KCNQ1: variants seen among roughly 807,000 people sequenced by gnomAD.
KCNQ1 encodes the protein potassium voltage-gated channel subfamily Q member 1.
A neutral mutation model predicts 72.4 loss-of-function variants in KCNQ1; 49 were observed. That is an observed-to-expected ratio of 0.68 (90% CI 0.54 to 0.86). KCNQ1 has a LOEUF of 0.86. Ranked by LOEUF, KCNQ1 falls within the 40% of genes least tolerant of loss-of-function variation. The probability of loss-of-function intolerance (pLI) is 0.00; values close to 1 mark genes in which losing one functional copy is unlikely to be tolerated. For synonymous variants in KCNQ1, 450 were observed against 412.6 expected, an observed-to-expected ratio of 1.09 and a Z score of -1.10; for missense variants, 790 against 945.1, an observed-to-expected ratio of 0.84 and a Z score of 2.15.
rs1267974783 is a variant in KCNQ1, at chr11:2,674,222, C to T, written c.1514+12141C>T. 2.5e-6 allele frequency: 1 copy of T among 398,534 alleles called. No homozygotes were observed. Among genetic ancestry groups the T allele is most frequent in the Non-Finnish European group, 4.4e-6 (1 of 226,152 alleles). The allele number at this position is 398,534 out of a possible 1,614,324, so 24.7% of individuals were successfully genotyped here. On this transcript the variant is annotated intron_variant, in intron 11 of 15. Coordinates refer to ENST00000155840, the MANE Select transcript of KCNQ1 (RefSeq NM_000218.3). The surrounding 1 kb of genome is among the most constrained non-coding windows in gnomAD (Gnocchi z 5.9). ...CCAGTTGTGGGTTTTTCTTGGGGCC[C>T]AGATAGATGTGAGCAGAGCTGGAGG...
rs1274186160 is a variant in KCNQ1 at position 2,828,205 on chromosome 11, G to A, written c.1795-19562G>A. Among the ~76,000 whole-genome samples the A allele has an allele frequency of 6.6e-6, 1 of 152,216 alleles. No individual in the cohort carries two copies. The highest frequency in any genetic ancestry group is 1.5e-5 in the Non-Finnish European group (1 of 68,042). On this transcript the variant is annotated intron_variant, in intron 15 of 15. Transcript: ENST00000155840. This position sits in a 1 kb window ranked among gnomAD's most constrained non-coding sequence, Gnocchi z 5.3. ...TCAGCAGGCAGGGACTAGCACCCAA[G>A]AAGAAAACTCTGAGAAGTCAGGACA... is the stretch of plus-strand genomic sequence containing the variant.
At chr11:2,833,920 C>T (rs1848009002) in intron 15 of KCNQ1, among the ~76,000 whole-genome samples, 1 of 152,220 alleles carries the variant, frequency 6.6e-6, no homozygotes, top group Non-Finnish European at 1.5e-5. Context: ...CCAGCAACTT[C>T]CTGCCCTCCC....
At position 2,766,667 on chromosome 11, in the gene KCNQ1, G is replaced by A. The variant is rs1038741898; in HGVS notation, c.1515-2177G>A. On this transcript the variant is annotated intron_variant, in intron 11 of 15. Transcript: ENST00000155840. The surrounding 1 kb of genome is among the most constrained non-coding windows in gnomAD (Gnocchi z 4.4). ...TGCAAAATTCACTCACCCCCCTCCCGACGATACCTAAAATTCTCACCCAAT... is the reference window on the plus strand; with the variant it reads ...TGCAAAATTCACTCACCCCCCTCCCAACGATACCTAAAATTCTCACCCAAT... 3.3e-5 allele frequency among the ~76,000 whole-genome samples: 5 copies of A among 152,032 alleles called. No individual in the cohort carries two copies. The highest frequency in any genetic ancestry group is 7.4e-5 in the Non-Finnish European group (5 of 68,012).
intron 15 of KCNQ1, among the ~76,000 whole-genome samples, chr11:2,807,183 T>A (rs2134034076): frequency 6.6e-6 from 1 of 152,342 alleles, no homozygotes; most frequent in East Asian, 1.9e-4. Flanking sequence ...TGCAGGTTCA[T>A]TATTATAATG....
chr11:2,733,857 C>CGCT (rs147278439), intron 11 of KCNQ1, among the ~76,000 whole-genome samples: 1 of 76,318 alleles, frequency 1.3e-5, no homozygotes, highest in Non-Finnish European at 2.5e-5. Context: ...CTCTCTCTCT[C>CGCT]CCCCCCCACT....
intron 1 of KCNQ1, among the ~76,000 whole-genome samples, chr11:2,456,380 C>T (rs541366263): frequency 6.6e-6 from 1 of 152,082 alleles, no homozygotes; most frequent in South Asian, 2.1e-4. Flanking sequence ...AAATAGTCTT[C>T]TCAATATTGG....
rs531012151 is a variant in KCNQ1 at position 2,544,450 on chromosome 11, T to C, written c.477+16432T>C. Among the ~76,000 whole-genome samples the C allele has an allele frequency of 2.0e-5, 3 of 151,584 alleles. No individual in the cohort carries two copies. Among genetic ancestry groups the C allele is most frequent in the Admixed American group, 2.0e-4 (3 of 15,200 alleles). ...TACATACCTAATATGTATATGGTTA[T>C]ATATCTCTTATAAGGGTTATATATC... On this transcript the variant is annotated intron_variant, in intron 2 of 15. Transcript: ENST00000155840. The surrounding 1 kb of genome is among the most constrained non-coding windows in gnomAD (Gnocchi z 4.4).
At chr11:2,775,528 G>A (rs1846678270) in intron 12 of KCNQ1, among the ~76,000 whole-genome samples, 1 of 152,230 alleles carries the variant, frequency 6.6e-6, no homozygotes, top group African/African-American at 2.4e-5. Flanking sequence ...CATGTCAAGG[G>A]TCAGTCTGGG....
rs1846206315 is a variant in KCNQ1 at position 2,457,040 on chromosome 11, A to G, written c.386+11556A>G. Among the ~76,000 whole-genome samples, 1 of 152,198 alleles carries G rather than the reference A, an allele frequency of 6.6e-6. No homozygotes were observed. Among genetic ancestry groups the G allele is most frequent in the South Asian group, 2.1e-4 (1 of 4,826 alleles). On this transcript the variant is annotated intron_variant, in intron 1 of 15. Coordinates refer to ENST00000155840, the MANE Select transcript of KCNQ1 (RefSeq NM_000218.3). The surrounding 1 kb of genome is among the most constrained non-coding windows in gnomAD (Gnocchi z 5.0). ...AGAAGACATACAAACAGTCAAACAC[A>G]TGAAAAAATGCTCATCACTGATCAT...
chr11:2,790,629 T>C (rs1847002613), intron 15 of KCNQ1, among the ~76,000 whole-genome samples: 1 of 152,240 alleles, frequency 6.6e-6, no homozygotes, highest in African/African-American at 2.4e-5. Flanking sequence ...CTACACGCGA[T>C]GGCTGTGAGA....
chr11:2,841,066 AAGG>A (rs1345624757), intron 15 of KCNQ1, among the ~76,000 whole-genome samples: 3 of 152,236 alleles, frequency 2.0e-5, no homozygotes, highest in African/African-American at 7.2e-5. Context: ...AACACCAAGC[AAGG>A]AGATCAATAA....
chr11:2,497,313 A>G lies in KCNQ1; in HGVS notation c.387-30615A>G, dbSNP rs1324667318. ...ACTTTCAGGTACAGCAATCAATTGT[A>G]GGTTTGGTCTTTTCATATAGTCCCA... is the stretch of plus-strand genomic sequence containing the variant. On this transcript the variant is annotated intron_variant, in intron 1 of 15. Coordinates refer to ENST00000155840, the MANE Select transcript of KCNQ1 (RefSeq NM_000218.3). This position sits in a 1 kb window ranked among gnomAD's most constrained non-coding sequence, Gnocchi z 4.5. Among the ~76,000 whole-genome samples the G allele has an allele frequency of 6.6e-6, 1 of 152,120 alleles. No individual in the cohort carries two copies. Among genetic ancestry groups the G allele is most frequent in the Admixed American group, 6.5e-5 (1 of 15,274 alleles).
In KCNQ1 at chr11:2,642,768, T is replaced by A. The variant is rs1030639057; in HGVS notation, c.1394-19193T>A. 4 of 397,684 alleles carry A rather than the reference T, an allele frequency of 1.0e-5. No individual in the cohort carries two copies. The highest frequency in any genetic ancestry group is 8.2e-5 in the African/African-American group (4 of 48,582). 24.6% of individuals were successfully genotyped at this position (397,684 alleles called of 1,614,324 possible). A position where few individuals can be genotyped will look rare whatever the true frequency, so the allele number is the denominator to read the frequency against. On this transcript the variant is annotated intron_variant, in intron 10 of 15. Transcript: ENST00000155840. The surrounding 1 kb of genome is among the most constrained non-coding windows in gnomAD (Gnocchi z 4.3). ...AGGTGTATCATTAGATTATTTAAGA[T>A]CTTTTCTACCTTTTTTAATGGAGGC...
In KCNQ1 at chr11:2,457,416, T is replaced by C. The variant is rs1008952760; in HGVS notation, c.386+11932T>C. 4.6e-5 allele frequency among the ~76,000 whole-genome samples: 7 copies of C among 152,148 alleles called. No individual in the cohort carries two copies. Among genetic ancestry groups the C allele is most frequent in the Non-Finnish European group, 1.0e-4 (7 of 68,032 alleles). On this transcript the variant is annotated intron_variant, in intron 1 of 15. Coordinates refer to ENST00000155840, the MANE Select transcript of KCNQ1 (RefSeq NM_000218.3). This position sits in a 1 kb window ranked among gnomAD's most constrained non-coding sequence, Gnocchi z 5.0. ...TCAATGGTAGATCGAATAAAGCAAA[T>C]GTGATATATATACACCATGGAATAC...
At position 2,544,225 on chromosome 11, in the gene KCNQ1, C is replaced by T. The variant is rs1847865770; in HGVS notation, c.477+16207C>T. Among the ~76,000 whole-genome samples, 2 of 137,720 alleles carry T rather than the reference C, an allele frequency of 1.5e-5. No homozygotes were observed. The highest frequency in any genetic ancestry group is 1.5e-4 in the Admixed American group (2 of 13,672). 90.3% of individuals were successfully genotyped at this position (137,720 alleles called of 152,430 possible). ...CTCTGATCAATGAGATTATCTATCT[C>T]ATATATATATATGTGTGTGTGTGTA... On this transcript the variant is annotated intron_variant, in intron 2 of 15. Transcript: ENST00000155840. The surrounding 1 kb of genome is among the most constrained non-coding windows in gnomAD (Gnocchi z 4.4).
intron 2 of KCNQ1, among the ~76,000 whole-genome samples, chr11:2,558,315 T>C (rs1848102333): frequency 6.6e-6 from 1 of 152,268 alleles, no homozygotes; most frequent in African/African-American, 2.4e-5. Flanking sequence ...CTGAAAGTAA[T>C]GAAGTATGTG....
chr11:2,619,927 G>A (rs1299660642), intron 10 of KCNQ1: 1 of 395,908 alleles, frequency 2.5e-6, no homozygotes, highest in Non-Finnish European at 4.4e-6. Flanking sequence ...GGAGTATACT[G>A]CATGATGATG....
chr11:2,699,663 C>CGGGGACAACCGCGCCGAAGAACCCCT (rs1192073791), intron 11 of KCNQ1: 4 of 355,484 alleles, frequency 1.1e-5, no homozygotes, highest in East Asian at 4.4e-5. Context: ...GAAGAACCCC[C>CGGGGACAACCGCGCCGAAGAACCCCT]GGGGAGAACC....
At position 2,646,041 on chromosome 11, in the gene KCNQ1, G is replaced by A. The variant is rs576731959; in HGVS notation, c.1394-15920G>A. On this transcript the variant is annotated intron_variant, in intron 10 of 15. Transcript: ENST00000155840. ...TCACTTACTTACCTTTCTGCACATCGAGGAGTCTCTTCATGATCCCAGCCA... is the reference window on the plus strand; with the variant it reads ...TCACTTACTTACCTTTCTGCACATCAAGGAGTCTCTTCATGATCCCAGCCA... 7.9e-4 allele frequency: 315 copies of A among 398,494 alleles called. No homozygotes were observed. Among genetic ancestry groups the A allele is most frequent in the Non-Finnish European group, 1.1e-3 (240 of 226,100 alleles). The allele number at this position is 398,494 out of a possible 1,614,324, so 24.7% of individuals were successfully genotyped here. A position where few individuals can be genotyped will look rare whatever the true frequency, so the allele number is the denominator to read the frequency against.
Sources: gnomAD v4.1 joint callset for allele counts (sites outside exome capture counted in the v4.1 genomes callset) on GRCh38, gnomAD v4.1.1 for gene constraint, Gnocchi (gnomAD v3.1) non-coding constraint, MANE v1.5 for transcripts, NCBI Gene and HGNC (gene_info 2026-07-23, HGNC 2026-07-21) for gene names.